BANK1: variants seen among roughly 807,000 people sequenced by gnomAD.
The protein encoded by BANK1 is B-cell scaffold protein with ankyrin repeats.
In BANK1, 95 loss-of-function variants were observed where a neutral mutation model predicts 94.5. The ratio of observed to expected loss-of-function variants is 1.00; its 90% CI spans 0.85 to 1.19. The LOEUF is 1.19. Among genes scored for constraint, BANK1 ranks in the 50% most tolerant of loss-of-function variants. BANK1 has a pLI of 0.00. For missense variants in BANK1, 987 were observed against 932.2 expected (o/e 1.06, Z -0.77); for synonymous variants, 334 against 308.4 (o/e 1.08, Z -0.87).
chr4:101,879,758 T>C (rs185800086), intron 5 of BANK1, among the ~76,000 whole-genome samples: 4 of 152,248 alleles, frequency 2.6e-5, no homozygotes, highest in Non-Finnish European at 5.9e-5. Flanking sequence ...AAATGGGATT[T>C]ATTCTTGGGA....
rs751071294 is a variant in BANK1, at chr4:102,025,298, G to T, written c.1383G>T (p.Gln461His). 62 of 1,614,002 alleles carry T rather than the reference G, an allele frequency of 3.8e-5. No homozygotes were observed. Among genetic ancestry groups the T allele is most frequent in the Non-Finnish European group, 4.9e-5 (58 of 1,179,994 alleles). The change falls in exon 9 of 17, where the codon CAG (glutamine) becomes CAT (histidine). Residue 461 changes from glutamine (Q) to histidine (H), a missense_variant. Transcript: ENST00000322953. ...EANEMEGEGK[Q>H]NGSGMETKHS... Reference sequence around the variant, plus strand: ...ATGAAATGGAAGGGGAAGGAAAACAGAATGGATCAGGCATGGAGACCAAAC... The same window carrying T: ...ATGAAATGGAAGGGGAAGGAAAACATAATGGATCAGGCATGGAGACCAAAC...
rs922580831 is a variant in BANK1 at position 101,939,438 on chromosome 4, G to A, written c.1206+21249G>A. Among the ~76,000 whole-genome samples the A allele has an allele frequency of 1.6e-4, 24 of 151,732 alleles. 1 individual carries two copies. The highest frequency in any genetic ancestry group is 1.2e-4 in the Non-Finnish European group (8 of 67,800). ...CATGTTCAACAAAGGTTGGCAGGAT[G>A]TGAGGAGAGATGTCTTCCCAACAAA... On this transcript the variant is annotated intron_variant, in intron 7 of 16. Coordinates refer to ENST00000322953, the MANE Select transcript of BANK1 (RefSeq NM_017935.5).
intron 7 of BANK1, among the ~76,000 whole-genome samples, chr4:101,965,613 A>G (rs991064093): frequency 2.0e-5 from 3 of 152,256 alleles, no homozygotes; most frequent in South Asian, 2.1e-4. Context: ...CACAATGCCT[A>G]TAAAGCCACA....
chr4:101,880,339 A>G (rs1471416296), intron 5 of BANK1, among the ~76,000 whole-genome samples: 2 of 152,094 alleles, frequency 1.3e-5, no homozygotes, highest in Admixed American at 6.6e-5. Context: ...CATTTACTGT[A>G]GCCACAAATA....
intron 7 of BANK1, among the ~76,000 whole-genome samples, chr4:102,008,061 A>G (rs1250344848): frequency 6.6e-6 from 1 of 152,136 alleles, no homozygotes; most frequent in Non-Finnish European, 1.5e-5. Flanking sequence ...CCCAATATCT[A>G]TTATCTTTTA....
intron 6 of BANK1, among the ~76,000 whole-genome samples, chr4:101,906,707 T>C (rs1380741521): frequency 6.6e-6 from 1 of 152,154 alleles, no homozygotes; most frequent in Admixed American, 6.5e-5. Context: ...ACCTGTACCA[T>C]TGTTACCCTG....
At position 102,072,382 on chromosome 4, in the gene BANK1, T is replaced by A; in HGVS notation, c.2280T>A (p.Asn760Lys). ...ETAHNENKFY[N>K]VHFSNKLPAR... ...CCCACAATGAAAATAAGTTTTATAA[T>A]GTACACTTCAGCAATAAGGTAGGTT... Residue 760 changes from asparagine (N) to lysine (K), a missense_variant, in exon 15 of 17, where the codon AAT (asparagine) becomes AAA (lysine). Physicochemically the swap from Asn to Lys is moderately conservative, Grantham distance 94. Transcript: ENST00000322953. 6.3e-7 allele frequency: 1 copy of A among 1,596,942 alleles called. No homozygotes were observed. Among genetic ancestry groups the A allele is most frequent in the South Asian group, 1.1e-5 (1 of 90,236 alleles).
Position 101,995,139 on chromosome 4 carries a change from C to T in BANK1, c.1207-26375C>T, listed in dbSNP as rs561574380. On this transcript the variant is annotated intron_variant, in intron 7 of 16. Transcript: ENST00000322953. ...ACAGGCCCTGGTGTGTGATGTTCCC[C>T]TCCCTGTGTCCATGCGTTCTGATTC... Among the ~76,000 whole-genome samples the T allele has an allele frequency of 8.9e-4, 136 of 152,182 alleles. 1 individual carries two copies. The highest frequency in any genetic ancestry group is 3.1e-3 in the African/African-American group (127 of 41,528).
At chr4:102,065,910 T>C (rs1182433167) in intron 13 of BANK1, among the ~76,000 whole-genome samples, 1 of 151,756 alleles carries the variant, frequency 6.6e-6, no homozygotes, top group East Asian at 1.9e-4. Flanking sequence ...ATGAACAGAG[T>C]CCCAGCGACA....
At chr4:101,990,300 T>G (rs1054719944) in intron 7 of BANK1, among the ~76,000 whole-genome samples, 1 of 152,180 alleles carries the variant, frequency 6.6e-6, no homozygotes, top group African/African-American at 2.4e-5. Flanking sequence ...ATGAATGACT[T>G]TATGATTATA....
At chr4:101,854,627 A>C (rs1162881815) in intron 2 of BANK1, among the ~76,000 whole-genome samples, 1 of 151,978 alleles carries the variant, frequency 6.6e-6, no homozygotes, top group Non-Finnish European at 1.5e-5. Flanking sequence ...TAAATTAGAA[A>C]TATGTAAGGG....
intron 1 of BANK1, among the ~76,000 whole-genome samples, chr4:101,797,424 A>G (rs978259743): frequency 1.3e-5 from 2 of 152,206 alleles, no homozygotes; most frequent in African/African-American, 4.8e-5. Flanking sequence ...GGGATGGCAC[A>G]TGATTAGATT....
At chr4:101,821,517 C>T (rs1165130540) in intron 1 of BANK1, among the ~76,000 whole-genome samples, 2 of 152,132 alleles carry the variant, frequency 1.3e-5, no homozygotes, top group Admixed American at 1.3e-4. Context: ...GTCATGAAGT[C>T]TTTGCCCATT....
chr4:101,941,432 T>A (rs1337640491), intron 7 of BANK1, among the ~76,000 whole-genome samples: 1 of 151,798 alleles, frequency 6.6e-6, no homozygotes, highest in Non-Finnish European at 1.5e-5. Flanking sequence ...AAGAGAGATA[T>A]GTGTTTTTCA....
At chr4:101,956,389 C>T (rs1171892683) in intron 7 of BANK1, among the ~76,000 whole-genome samples, 1 of 152,160 alleles carries the variant, frequency 6.6e-6, no homozygotes, top group African/African-American at 2.4e-5. Flanking sequence ...TGTAATACTA[C>T]CCCATTTTGT....
intron 7 of BANK1, among the ~76,000 whole-genome samples, chr4:101,984,248 C>T (rs1374927113): frequency 6.6e-6 from 1 of 151,882 alleles, no homozygotes; most frequent in Non-Finnish European, 1.5e-5. Flanking sequence ...AGTAAAGAAG[C>T]CCTGGGAAGA....
intron 9 of BANK1, among the ~76,000 whole-genome samples, chr4:102,026,210 T>C (rs1727092244): frequency 6.6e-6 from 1 of 152,202 alleles, no homozygotes; most frequent in African/African-American, 2.4e-5. Context: ...ACATTAGGTT[T>C]ATCTGCCTGG....
At chr4:101,880,043 C>T (rs1728620120) in intron 5 of BANK1, among the ~76,000 whole-genome samples, 1 of 151,968 alleles carries the variant, frequency 6.6e-6, no homozygotes, top group Non-Finnish European at 1.5e-5. Context: ...ACAAAGATGC[C>T]CACTTTCACC....
intron 4 of BANK1, among the ~76,000 whole-genome samples, chr4:101,866,029 G>A (rs551661668): frequency 2.0e-5 from 3 of 151,946 alleles, no homozygotes; most frequent in African/African-American, 4.8e-5. Context: ...AACATTGCAA[G>A]GCATTCCTAA....
Sources: allele counts gnomAD v4.1 joint callset (sites outside exome capture counted in the v4.1 genomes callset), GRCh38; gene constraint gnomAD v4.1.1; transcripts MANE v1.5; gene names NCBI Gene and HGNC (gene_info 2026-07-23, HGNC 2026-07-21).